FRAS1: variants seen among roughly 807,000 people sequenced by gnomAD.
FRAS1 encodes the protein extracellular matrix organizing protein FRAS1.
FRAS1 carries 290 observed loss-of-function variants against 435.2 expected under a neutral mutation model. That is an observed-to-expected ratio of 0.67 (90% CI 0.61 to 0.73). The LOEUF is 0.73. Among genes scored for constraint, FRAS1 ranks in the 30% least tolerant of loss-of-function variants. The probability of loss-of-function intolerance (pLI) is 0.00; values close to 1 mark genes in which losing one functional copy is unlikely to be tolerated. For synonymous variants in FRAS1, 1,800 were observed against 1,851.0 expected, an observed-to-expected ratio of 0.97 and a Z score of 0.71; for missense variants, 4,860 against 5,001.5, an observed-to-expected ratio of 0.97 and a Z score of 0.85.
chr4:78,503,772 G>A (rs1720748731), intron 61 of FRAS1, among the ~76,000 whole-genome samples: 1 of 152,048 alleles, frequency 6.6e-6, no homozygotes, highest in Admixed American at 6.6e-5. Flanking sequence ...GAATTTGTTT[G>A]CTCTTGCTTC....
intron 2 of FRAS1, among the ~76,000 whole-genome samples, chr4:78,116,666 T>G (rs2109953493): frequency 6.6e-6 from 1 of 152,348 alleles, no homozygotes; most frequent in African/African-American, 2.4e-5. Flanking sequence ...TGCCTTTTTT[T>G]GTTTTCCATT....
intron 4 of FRAS1, 66 bp downstream of exon 4, chr4:78,245,391 GT>G: frequency 8.8e-7 from 1 of 1,139,234 alleles, no homozygotes; most frequent in Non-Finnish European, 1.3e-6. Flanking sequence ...AAAGCTGAAT[GT>G]TAAACTTGTG....
At chr4:78,387,824 C>A in intron 29 of FRAS1, 123 bp downstream of exon 29, 1 of 664,412 alleles carries the variant, frequency 1.5e-6, no homozygotes, top group Non-Finnish European at 2.4e-6. Flanking sequence ...CAAATATAAC[C>A]TATTATATAG....
intron 1 of FRAS1, among the ~76,000 whole-genome samples, chr4:78,060,051 G>T (rs1578097839): frequency 2.0e-5 from 3 of 152,176 alleles, no homozygotes; most frequent in Admixed American, 2.0e-4. Flanking sequence ...ACGTCATAAT[G>T]GTGCTTATCT....
rs76623027 is a variant in FRAS1 at position 78,452,282 on chromosome 4, G to A, written c.6691G>A (p.Gly2231Arg). The A allele has an allele frequency of 4.9e-3, 7,960 of 1,613,420 alleles. 336 individuals are homozygous for A. In the African/African-American group the frequency reaches 0.09, roughly 18 times the overall value. ...GCTGTCTGCCACTGACCAGGACAGT[G>A]GGCCTACAGAATTGATCTACAGAAT... ...LQLSATDQDS[G>R]PTELIYRITR... Residue 2231 changes from glycine to arginine, a missense_variant, in exon 47 of 74, where the codon GGG becomes AGG. Gly to Arg is a moderately radical substitution (Grantham distance 125, BLOSUM62 -2). Transcript: ENST00000512123.
At chr4:78,507,277 G>A (rs1720872990) in intron 61 of FRAS1, 144 bp from the exon 62 acceptor site, 1 of 716,292 alleles carries the variant, frequency 1.4e-6, no homozygotes, top group Non-Finnish European at 2.2e-6. Flanking sequence ...GGGCTAAAGT[G>A]ATTAGCAGCC....
Position 78,058,096 on chromosome 4 carries a change from G to T in FRAS1, c.76+11G>T, listed in dbSNP as rs1174012926. 2 of 1,608,098 alleles carry T rather than the reference G, an allele frequency of 1.2e-6. No individual in the cohort carries two copies. The highest frequency in any genetic ancestry group is 2.7e-5 in the African/African-American group (2 of 73,762). On this transcript the variant is annotated intron_variant, in intron 1 of 73. Transcript: ENST00000512123. ...CTCATCATTCCGAAGGTGAGAGAGC[G>T]GTGCCGCGTGTGTGTGTGTGTGTGC... is the stretch of plus-strand genomic sequence containing the variant.
At position 78,254,728 on chromosome 4, in the gene FRAS1, GAA is replaced by G. The variant is rs534566752; in HGVS notation, c.470-512_470-511del. Among the ~76,000 whole-genome samples, 48 of 148,104 alleles carry G rather than the reference GAA, an allele frequency of 3.2e-4. 1 individual carries two copies. The highest frequency in any genetic ancestry group is 6.2e-4 in the Non-Finnish European group (41 of 66,346). ...AAATGTAGGGTCTCTTGTTCAAAAA[GAA>G]AGAGGAGAAAAAGCTTTTTTGTTGT... On this transcript the variant is annotated intron_variant, in intron 5 of 73. Coordinates refer to ENST00000512123, the MANE Select transcript of FRAS1 (RefSeq NM_025074.7).
intron 2 of FRAS1, chr4:78,180,744 G>A: frequency 2.5e-6 from 2 of 791,074 alleles, no homozygotes; most frequent in East Asian, 2.7e-5. Context: ...CAGTCTTTAG[G>A]TGTGAATGGT....
At chr4:78,422,122 A>C in intron 34 of FRAS1, 122 bp downstream of exon 34, 1 of 1,037,678 alleles carries the variant, frequency 9.6e-7, no homozygotes, top group East Asian at 2.7e-5. Context: ...CTAGCTATTC[A>C]AAATAGCTTG....
In FRAS1 at chr4:78,483,797, TAA is replaced by T. The variant is rs551105895; in HGVS notation, c.8752+1265_8752+1266del. 1.4e-3 allele frequency among the ~76,000 whole-genome samples: 82 copies of T among 58,310 alleles called. 11 individuals are homozygous for T. The highest frequency in any genetic ancestry group is 2.5e-3 in the East Asian group (1 of 402). The allele number at this position is 58,310 out of a possible 152,430, so 38.3% of individuals were successfully genotyped here. A position where few individuals can be genotyped will look rare whatever the true frequency, so the allele number is the denominator to read the frequency against. On this transcript the variant is annotated intron_variant, in intron 58 of 73. Transcript: ENST00000512123. Reference sequence around the variant, plus strand: ...CTCTCTCTCTCTATATATATATATATAAAATTATGTATGTGTGATACACACAC... The same window carrying T: ...CTCTCTCTCTCTATATATATATATATAATTATGTATGTGTGATACACACAC...
intron 30 of FRAS1, among the ~76,000 whole-genome samples, chr4:78,403,937 A>C (rs537242223): frequency 1.3e-5 from 2 of 152,304 alleles, no homozygotes; most frequent in Middle Eastern, 6.8e-3. Context: ...ACTGAAAGTG[A>C]AAAACAATGG....
chr4:78,393,047 G>A, intron 29 of FRAS1, among the ~76,000 whole-genome samples: 1 of 149,198 alleles, frequency 6.7e-6, no homozygotes, highest in Admixed American at 6.7e-5. Context: ...CTTTATTGAG[G>A]AATGATTGAC....
intron 31 of FRAS1, among the ~76,000 whole-genome samples, chr4:78,409,009 ACTTGAGCCTGGGAGGTGGAGGATC>A (rs1333899381): frequency 1.4e-5 from 1 of 72,724 alleles, no homozygotes; most frequent in Non-Finnish European, 3.8e-5. Context: ...CGGGAGGATC[ACTTGAGCCTGGGAGGTGGAGGATC>A]ACTTGAGCCT....
rs111877144 is a variant in FRAS1 at position 78,507,668 on chromosome 4, T to G, written c.9504+60T>G. ...GTCTCAGTGACTAGTAGATGAGAACTGAAGGGAAGTACTCTATTTCTTTAT... is the reference window on the plus strand; with the variant it reads ...GTCTCAGTGACTAGTAGATGAGAACGGAAGGGAAGTACTCTATTTCTTTAT... On this transcript the variant is annotated intron_variant, in intron 62 of 73. Coordinates refer to ENST00000512123, the MANE Select transcript of FRAS1 (RefSeq NM_025074.7). The G allele has an allele frequency of 9.0e-4, 1,310 of 1,463,378 alleles. 7 individuals carry two copies. The African/African-American group carries it at 0.013, about 15-fold the overall frequency. The allele number at this position is 1,463,378 out of a possible 1,614,324, so 90.6% of individuals were successfully genotyped here. A position where few individuals can be genotyped will look rare whatever the true frequency, so the allele number is the denominator to read the frequency against.
At chr4:78,238,229 T>G (rs1332433876) in intron 3 of FRAS1, among the ~76,000 whole-genome samples, 2 of 151,956 alleles carry the variant, frequency 1.3e-5, no homozygotes, top group Non-Finnish European at 2.9e-5. Flanking sequence ...AGTCTATGAT[T>G]GGTATTTCCT....
At chr4:78,274,696 C>A (rs1726904059) in intron 9 of FRAS1, among the ~76,000 whole-genome samples, 1 of 152,170 alleles carries the variant, frequency 6.6e-6, no homozygotes, top group Non-Finnish European at 1.5e-5. Flanking sequence ...GTTATCATTT[C>A]TGTTCTTTTT....
At chr4:78,145,244 C>T (rs1720368161) in intron 2 of FRAS1, among the ~76,000 whole-genome samples, 1 of 152,106 alleles carries the variant, frequency 6.6e-6, no homozygotes. Context: ...GAGGACTTTG[C>T]AGTACGCCTT....
intron 22 of FRAS1, among the ~76,000 whole-genome samples, chr4:78,368,440 T>C (rs1428204918): frequency 6.6e-6 from 1 of 151,870 alleles, no homozygotes; most frequent in Non-Finnish European, 1.5e-5. Flanking sequence ...CTCTGACACG[T>C]ACTTAGAGAA....
Sources: allele counts gnomAD v4.1 joint callset (sites outside exome capture counted in the v4.1 genomes callset), GRCh38; gene constraint gnomAD v4.1.1; transcripts MANE v1.5; gene names NCBI Gene and HGNC (gene_info 2026-07-23, HGNC 2026-07-21).